The following VWA2 variants were observed in gnomAD, a reference collection of about 807,000 sequenced individuals.
VWA2 encodes von Willebrand factor A domain-containing protein 2.
A neutral mutation model predicts 70.4 loss-of-function variants in VWA2; 73 were observed. That is an observed-to-expected ratio of 1.04 (90% confidence interval 0.86 to 1.26). The LOEUF is 1.26. Ranked by LOEUF, VWA2 falls within the 50% of genes most tolerant of loss-of-function variation. VWA2 has a pLI of 0.00. For synonymous variants in VWA2, 407 were observed against 423.3 expected (o/e 0.96, Z 0.47); for missense variants, 1,011 against 998.5 (o/e 1.01, Z -0.17).
chr10:114,260,831 G>GA (rs1436745004), intron 4 of VWA2, among the ~76,000 whole-genome samples: 1 of 152,198 alleles, frequency 6.6e-6, no homozygotes, highest in African/African-American at 2.4e-5. Flanking sequence ...AACTGCTCAA[G>GA]ACAGCACTGG....
intron 11 of VWA2, among the ~76,000 whole-genome samples, chr10:114,287,540 C>T (rs1335246061): frequency 6.6e-6 from 1 of 152,118 alleles, no homozygotes; most frequent in African/African-American, 2.4e-5. Flanking sequence ...AGATGTGATT[C>T]TGCTTCTCAG....
intron 5 of VWA2, among the ~76,000 whole-genome samples, chr10:114,263,872 A>G (rs80072636): frequency 0.015 from 2,328 of 152,264 alleles, 68 homozygotes; most frequent in African/African-American, 0.054. Flanking sequence ...CATTGTTCCA[A>G]AGAAGATAGA....
At chr10:114,271,630 C>A (rs2037712714) in intron 5 of VWA2, among the ~76,000 whole-genome samples, 1 of 152,064 alleles carries the variant, frequency 6.6e-6, no homozygotes, top group Non-Finnish European at 1.5e-5. Context: ...CACACACACA[C>A]ACACACACAC....
At chr10:114,262,859 T>G (rs1481679230) in intron 5 of VWA2, among the ~76,000 whole-genome samples, 1 of 152,242 alleles carries the variant, frequency 6.6e-6, no homozygotes, top group Non-Finnish European at 1.5e-5. Context: ...ATCGGCCTTT[T>G]CTTCTTCCCC....
intron 1 of VWA2, among the ~76,000 whole-genome samples, chr10:114,241,801 T>C (rs1290158958): frequency 6.6e-6 from 1 of 152,138 alleles, no homozygotes; most frequent in Non-Finnish European, 1.5e-5. Context: ...TTGCAGTGCA[T>C]ATATCAGTAA....
chr10:114,292,347 T>G lies in VWA2; in HGVS notation c.*1110T>G, dbSNP rs1004621952. ...TATGGAATTCTTTCCTTATTCTCCT[T>G]TTAGTGGGGCAAAGAGAAGTAAGAT... On this transcript the variant is annotated 3_prime_UTR_variant, in exon 14 of 14. Transcript: ENST00000392982. Among the ~76,000 whole-genome samples the G allele has an allele frequency of 6.6e-6, 1 of 151,988 alleles. No homozygotes were observed. Among genetic ancestry groups the G allele is most frequent in the African/African-American group, 2.4e-5 (1 of 41,366 alleles).
intron 9 of VWA2, among the ~76,000 whole-genome samples, 194 bp downstream of exon 9, chr10:114,282,765 T>TGGC (rs530648982): frequency 5.9e-4 from 90 of 152,026 alleles, no homozygotes; most frequent in Middle Eastern, 3.4e-3. Context: ...AAGAATGGAG[T>TGGC]GGCGGCTTTG....
chr10:114,285,117 C>T (rs1480266817), intron 10 of VWA2, 147 bp downstream of exon 10: 3 of 598,972 alleles, frequency 5.0e-6, no homozygotes, highest in East Asian at 3.3e-5. Flanking sequence ...CTGCAGTTCA[C>T]GTGGTGCAGC....
chr10:114,256,950 C>T (rs923318034), intron 4 of VWA2, among the ~76,000 whole-genome samples: 1 of 151,318 alleles, frequency 6.6e-6, no homozygotes, highest in Admixed American at 6.6e-5. Flanking sequence ...ATGATGTAGC[C>T]TGGAAAAGCT....
chr10:114,254,036 C>T (rs528058321), intron 3 of VWA2, among the ~76,000 whole-genome samples: 1 of 151,730 alleles, frequency 6.6e-6, no homozygotes, highest in Non-Finnish European at 1.5e-5. Context: ...GAGGTACACT[C>T]CATCTCAAAA....
In VWA2 at chr10:114,290,317, T is replaced by A; in HGVS notation, c.2200T>A (p.Tyr734Asn). 6.4e-7 allele frequency: 1 copy of A among 1,550,574 alleles called. No individual in the cohort carries two copies. The highest frequency in any genetic ancestry group is 8.7e-7 in the Non-Finnish European group (1 of 1,146,986). ...CAGCTGCGTCCTGCAGAATGGGAGC[T>A]ACCGCTGCAAGTGTCGGGATGGCTG... ...EGSCVLQNGSYRCKCRDGWEG... is the reference protein window; with the variant it reads ...EGSCVLQNGSNRCKCRDGWEG... Residue 734 changes from tyrosine (Y) to asparagine (N), a missense_variant, in exon 13 of 14, where the codon TAC (tyrosine) becomes AAC (asparagine). Physicochemically the swap from Tyr to Asn is moderately radical, Grantham distance 143. Transcript: ENST00000392982.
rs903271614 is a variant in VWA2, at chr10:114,290,839, C to T, written c.2249-379C>T. Among the ~76,000 whole-genome samples the T allele has an allele frequency of 8.6e-5, 13 of 152,012 alleles. No homozygotes were observed. The East Asian group carries it at 2.3e-3, about 27-fold the overall frequency. ...AATGGGAGGAACAGCTAAGTGAGGA[C>T]GAGGAGGAGGTGCTAGAGGTTTGAG... On this transcript the variant is annotated intron_variant, in intron 13 of 13. Transcript: ENST00000392982.
At chr10:114,261,609 C>G (rs552690804) in intron 5 of VWA2, among the ~76,000 whole-genome samples, 1 of 152,206 alleles carries the variant, frequency 6.6e-6, no homozygotes. Context: ...AGGAGGAACA[C>G]TGAGTCTTAA....
At chr10:114,282,692 G>T in intron 9 of VWA2, 121 bp downstream of exon 9, 2 of 806,066 alleles carry the variant, frequency 2.5e-6, no homozygotes, top group Non-Finnish European at 4.3e-6. Context: ...AGGGCAGAGG[G>T]ATGGGGCACT....
intron 5 of VWA2, among the ~76,000 whole-genome samples, chr10:114,269,511 G>T (rs2037659514): frequency 6.6e-6 from 1 of 152,186 alleles, no homozygotes; most frequent in Non-Finnish European, 1.5e-5. Context: ...AGCCCAGGTG[G>T]TGGAGGTTGC....
Position 114,278,724 on chromosome 10 carries a change from A to G in VWA2, c.706A>G (p.Arg236Gly), listed in dbSNP as rs377381530. 5.6e-6 allele frequency: 9 copies of G among 1,613,992 alleles called. No homozygotes were observed. Among genetic ancestry groups the G allele is most frequent in the Middle Eastern group, 1.7e-4 (1 of 5,946 alleles). ...AICSSATPDCRVEAHPCEHRT... is the reference protein window; with the variant it reads ...AICSSATPDCGVEAHPCEHRT... The stretch of plus-strand genomic sequence containing the variant: ...GGTGTGTGTTGTGGACACAGACTGC[A>G]GGGTCGAGGCTCACCCCTGTGAGCA... Residue 236 changes from arginine to glycine, a missense_variant, in exon 8 of 14, where the codon AGG (arginine) becomes GGG (glycine). By Grantham distance (125) the Arg-to-Gly change is moderately radical (BLOSUM62 -2). Transcript: ENST00000392982.
intron 10 of VWA2, among the ~76,000 whole-genome samples, chr10:114,285,715 A>G (rs2038782743): frequency 6.6e-6 from 1 of 152,214 alleles, no homozygotes; most frequent in African/African-American, 2.4e-5. Context: ...TGTAGATGGC[A>G]TTTTTCTTTA....
chr10:114,248,637 C>T lies in VWA2; in HGVS notation c.-10-67C>T, dbSNP rs1007958537. On this transcript the variant is annotated intron_variant, in intron 1 of 13. Transcript: ENST00000392982. ...AAGGCTGAGTTGGCATCTTGTTTGG[C>T]GGTGTGACTTGGGGCGTTCACAGAA... 13 of 1,359,800 alleles carry T rather than the reference C, an allele frequency of 9.6e-6. 1 individual carries two copies. Among genetic ancestry groups the T allele is most frequent in the South Asian group, 7.0e-5 (6 of 86,002 alleles). The allele number at this position is 1,359,800 out of a possible 1,614,324, so 84.2% of individuals were successfully genotyped here.
chr10:114,279,867 C>G (rs1236194881), intron 8 of VWA2, among the ~76,000 whole-genome samples: 1 of 152,182 alleles, frequency 6.6e-6, no homozygotes, highest in Non-Finnish European at 1.5e-5. Context: ...GGAGTCTGTC[C>G]TCTCTGGGAT....
Sources: allele counts gnomAD v4.1 joint callset (sites outside exome capture counted in the v4.1 genomes callset), GRCh38; gene constraint gnomAD v4.1.1; transcripts MANE v1.5; gene names NCBI Gene and HGNC (gene_info 2026-07-23, HGNC 2026-07-21).